Variants in ITK observed in about 807,000 individuals in gnomAD.
ITK encodes the protein IL2 inducible T cell kinase, also known as tyrosine-protein kinase ITK/TSK.
In ITK, 45 loss-of-function variants were observed where a neutral mutation model predicts 87.6. That is an observed-to-expected ratio of 0.51 (90% confidence interval 0.40 to 0.66). The LOEUF (loss-of-function observed/expected upper bound fraction) is 0.66. ITK is among the 30% of genes least tolerant of loss of function. The probability of loss-of-function intolerance (pLI) is 0.00; values close to 1 mark genes in which losing one functional copy is unlikely to be tolerated. For missense variants in ITK, 605 were observed against 766.3 expected (o/e 0.79, Z 2.48); for synonymous variants, 303 against 273.6 (o/e 1.11, Z -1.06).
rs1370991362 is a variant in ITK at position 157,253,967 on chromosome 5, T to C, written c.*1289T>C. The C allele has an allele frequency of 9.0e-6, 2 of 222,622 alleles. No homozygotes were observed. Among genetic ancestry groups the C allele is most frequent in the Admixed American group, 5.7e-5 (1 of 17,420 alleles). 13.8% of individuals were successfully genotyped at this position (222,622 alleles called of 1,614,324 possible). A position where few individuals can be genotyped will look rare whatever the true frequency, so the allele number is the denominator to read the frequency against. The stretch of plus-strand genomic sequence containing the variant: ...CATCCCCATGAGGTAATATTATTAT[T>C]CCCATTTTACAAATAATGTAACTGA... On this transcript the variant is annotated 3_prime_UTR_variant, in exon 17 of 17. Coordinates refer to ENST00000422843, the MANE Select transcript of ITK (RefSeq NM_005546.4).
chr5:157,223,007 A>C lies in ITK; in HGVS notation c.640A>C (p.Arg214=). The C allele has an allele frequency of 1.2e-6, 2 of 1,614,116 alleles. No individual in the cohort carries two copies. The highest frequency in any genetic ancestry group is 1.7e-6 in the Non-Finnish European group (2 of 1,180,014). ...SEIHWWRVQD[R]NGHEGYVPSS... ...GATTCACTGGTGGAGAGTCCAGGAC[A>C]GGAATGGGTAAGTCATCTTTGTGGC... is the stretch of plus-strand genomic sequence containing the variant. The change falls in exon 6 of 17, where the codon AGG becomes CGG. Residue 214 remains arginine, a synonymous_variant. Transcript: ENST00000422843.
chr5:157,185,380 G>A (rs528221282), intron 1 of ITK, among the ~76,000 whole-genome samples: 21 of 151,872 alleles, frequency 1.4e-4, no homozygotes, highest in South Asian at 4.2e-4. Flanking sequence ...CTGGAACTAC[G>A]GGTGCGCGCC....
chr5:157,199,308 C>G (rs143469833), intron 1 of ITK: 1 of 152,072 alleles, frequency 6.6e-6, no homozygotes, highest in Non-Finnish European at 1.5e-5. Context: ...TTTTTAGAAA[C>G]GTGGAGATGT....
At chr5:157,183,468 T>G (rs1434511259) in intron 1 of ITK, among the ~76,000 whole-genome samples, 1 of 152,244 alleles carries the variant, frequency 6.6e-6, no homozygotes, top group Non-Finnish European at 1.5e-5. Context: ...ATTAGAAGTT[T>G]CAAACAATTC....
At chr5:157,230,035 C>T (rs539414218) in intron 7 of ITK, among the ~76,000 whole-genome samples, 3 of 152,182 alleles carry the variant, frequency 2.0e-5, no homozygotes, top group Admixed American at 1.3e-4. Flanking sequence ...TTGGGACAAC[C>T]GATACAATTT....
intron 1 of ITK, among the ~76,000 whole-genome samples, chr5:157,192,435 C>T (rs773081556): frequency 6.6e-6 from 1 of 152,110 alleles, no homozygotes; most frequent in Non-Finnish European, 1.5e-5. Context: ...TAGACAGGGC[C>T]TATGACACTG....
Position 157,244,262 on chromosome 5 carries a change from G to T in ITK, c.1233G>T (p.Met411Ile). The T allele has an allele frequency of 6.2e-7, 1 of 1,613,992 alleles. No homozygotes were observed. The highest frequency in any genetic ancestry group is 8.5e-7 in the Non-Finnish European group (1 of 1,179,868). ...EDFIEEAEVM[M>I]KLSHPKLVQL... is the part of the protein sequence containing the mutation. ...CTCACCCCTTGTCTTTTTCCTCCAG[G>T]AAACTCTCTCATCCCAAACTGGTGC... The change falls in exon 13 of 17, where the codon ATG becomes ATT. Residue 411 changes from methionine to isoleucine, a missense_variant and splice_region_variant. Met to Ile is a conservative substitution (Grantham distance 10, BLOSUM62 1). Around this residue, in one of 3 missense-constraint regions of ITK, gnomAD observed 464 missense variants for 578.0 expected, o/e 0.80. Coordinates refer to ENST00000422843, the MANE Select transcript of ITK (RefSeq NM_005546.4).
At chr5:157,193,882 T>C (rs1753800118) in intron 1 of ITK, among the ~76,000 whole-genome samples, 1 of 152,128 alleles carries the variant, frequency 6.6e-6, no homozygotes, top group South Asian at 2.1e-4. Flanking sequence ...ACAATTTTTT[T>C]TAAAAAACCA....
rs1755219706 is a variant in ITK at position 157,254,850 on chromosome 5, A to T, written c.*2172A>T. On this transcript the variant is annotated 3_prime_UTR_variant, in exon 17 of 17. Coordinates refer to ENST00000422843, the MANE Select transcript of ITK (RefSeq NM_005546.4). ...AGATTCATCTAATCCTCAACTGTAC[A>T]TGTGTACATTCTTCACCTCCTGGTG... 1 of 216,780 alleles carries T rather than the reference A, an allele frequency of 4.6e-6. No individual in the cohort carries two copies. 13.4% of individuals were successfully genotyped at this position (216,780 alleles called of 1,614,324 possible).
In ITK at chr5:157,244,437, A is replaced by C. The variant is rs764904457; in HGVS notation, c.1408A>C (p.Met470Leu). Residue 470 changes from methionine to leucine, a missense_variant, in exon 13 of 17, where the codon ATG (methionine) becomes CTG (leucine). Met to Leu is a conservative substitution (Grantham distance 15). Around this residue, in one of 3 missense-constraint regions of ITK, gnomAD observed 464 missense variants for 578.0 expected, o/e 0.80. Transcript: ENST00000422843. ...LGMCLDVCEGMAYLEEACVIH... is the reference protein window; with the variant it reads ...LGMCLDVCEGLAYLEEACVIH... ...CATGTGTCTGGATGTGTGTGAGGGCATGGCCTACCTGGAAGAGGCATGTGT... is the reference window on the plus strand; with the variant it reads ...CATGTGTCTGGATGTGTGTGAGGGCCTGGCCTACCTGGAAGAGGCATGTGT... The C allele has an allele frequency of 2.5e-6, 4 of 1,613,774 alleles. No individual in the cohort carries two copies. Among genetic ancestry groups the C allele is most frequent in the Non-Finnish European group, 3.4e-6 (4 of 1,179,752 alleles).
At chr5:157,188,236 A>T (rs576717529) in intron 1 of ITK, among the ~76,000 whole-genome samples, 1 of 152,278 alleles carries the variant, frequency 6.6e-6, no homozygotes, top group East Asian at 1.9e-4. Flanking sequence ...AGTTTTTTAC[A>T]GTCTGTTATC....
chr5:157,226,846 C>A (rs1219094207), intron 6 of ITK, among the ~76,000 whole-genome samples: 2 of 152,062 alleles, frequency 1.3e-5, no homozygotes, highest in Non-Finnish European at 2.9e-5. Flanking sequence ...GTCACCCAGG[C>A]CAGAGTGCAG....
chr5:157,247,103 G>A lies in ITK; in HGVS notation c.1633+1104G>A, dbSNP rs560566471. 1.8e-3 allele frequency among the ~76,000 whole-genome samples: 278 copies of A among 152,304 alleles called. 3 individuals are homozygous for A. Among genetic ancestry groups the A allele is most frequent in the African/African-American group, 6.5e-3 (270 of 41,562 alleles). The stretch of plus-strand genomic sequence containing the variant: ...TTTTGCCATTCGGTATGAAGGAAGG[G>A]TTTGACAAGGGCTTACTAGTAGTAG... On this transcript the variant is annotated intron_variant, in intron 15 of 16. Transcript: ENST00000422843.
Position 157,244,489 on chromosome 5 carries a change from G to A in ITK, c.1449+11G>A. 1 of 1,525,640 alleles carries A rather than the reference G, an allele frequency of 6.6e-7. No homozygotes were observed. 94.5% of individuals were successfully genotyped at this position (1,525,640 alleles called of 1,614,324 possible). A position where few individuals can be genotyped will look rare whatever the true frequency, so the allele number is the denominator to read the frequency against. ...ATCCACAGAGACTTGGTATGAGCATGCAGGGTGAACACCCACAGGTCCAGG... is the reference window on the plus strand; with the variant it reads ...ATCCACAGAGACTTGGTATGAGCATACAGGGTGAACACCCACAGGTCCAGG... On this transcript the variant is annotated intron_variant, in intron 13 of 16. Transcript: ENST00000422843.
chr5:157,249,104 G>A, intron 16 of ITK, 97 bp downstream of exon 16: 2 of 1,037,624 alleles, frequency 1.9e-6, no homozygotes, highest in Non-Finnish European at 3.0e-6. Flanking sequence ...GGATGAGGCA[G>A]GAGGGATAAC....
At chr5:157,241,039 G>A (rs1754884877) in intron 10 of ITK, 1 of 151,926 alleles carries the variant, frequency 6.6e-6, no homozygotes, top group Non-Finnish European at 1.5e-5. Flanking sequence ...CCAGGTTCAA[G>A]CAATTCTCCT....
chr5:157,215,731 C>T (rs117802567), intron 4 of ITK, among the ~76,000 whole-genome samples: 1 of 152,296 alleles, frequency 6.6e-6, no homozygotes, highest in East Asian at 1.9e-4. Context: ...CCATCAAGGG[C>T]CCCAATGTCC....
intron 10 of ITK, 124 bp downstream of exon 10, chr5:157,240,319 A>G: frequency 1.1e-6 from 1 of 916,152 alleles, no homozygotes; most frequent in South Asian, 1.3e-5. Flanking sequence ...ATAAGAGTGC[A>G]AGCCCTATTG....
chr5:157,199,978 GT>G (rs1753932853), intron 1 of ITK, among the ~76,000 whole-genome samples: 1 of 152,068 alleles, frequency 6.6e-6, no homozygotes, highest in African/African-American at 2.4e-5. Flanking sequence ...CTGGGTTGGG[GT>G]TTTGTACATA....
Sources: gnomAD v4.1 joint callset for allele counts (sites outside exome capture counted in the v4.1 genomes callset) on GRCh38, gnomAD v4.1.1 for gene constraint, gnomAD v4.1.1 regional missense constraint, MANE v1.5 for transcripts, NCBI Gene and HGNC (gene_info 2026-07-23, HGNC 2026-07-21) for gene names.